Variants in RC3H2 observed in about 807,000 individuals in gnomAD.
RC3H2 encodes roquin-2.
A neutral mutation model predicts 133.3 loss-of-function variants in RC3H2; 31 were observed. The observed-to-expected ratio is 0.23, with a 90% CI of 0.17 to 0.31. RC3H2 has a LOEUF of 0.31. Among genes scored for constraint, RC3H2 ranks in the 10% least tolerant of loss-of-function variants. RC3H2 has a pLI of 1.00. For synonymous variants in RC3H2, 517 were observed against 502.2 expected (o/e 1.03, Z -0.40); for missense variants, 1,175 against 1,437.2 (o/e 0.82, Z 2.95).
intron 9 of RC3H2, among the ~76,000 whole-genome samples, chr9:122,870,997 C>T (rs1050823022): frequency 1.5e-4 from 23 of 152,312 alleles, no homozygotes; most frequent in African/African-American, 5.5e-4. Flanking sequence ...ATAGCCTTTT[C>T]CCTTCCACTT....
At chr9:122,880,916 T>C (rs781576568) in intron 5 of RC3H2, 122 bp from the exon 6 acceptor site, 4 of 686,874 alleles carry the variant, frequency 5.8e-6, no homozygotes, top group Non-Finnish European at 7.5e-6. Flanking sequence ...AGAAATAAGG[T>C]ACAAAGATAA....
intron 1 of RC3H2, among the ~76,000 whole-genome samples, chr9:122,902,048 G>C (rs1832676090): frequency 6.6e-6 from 1 of 151,244 alleles, no homozygotes; most frequent in African/African-American, 2.4e-5. Context: ...TCCTGCCTCA[G>C]CCTCCGGAGT....
chr9:122,852,760 G>A (rs1374793404), intron 18 of RC3H2, among the ~76,000 whole-genome samples: 4 of 149,154 alleles, frequency 2.7e-5, no homozygotes, highest in African/African-American at 5.0e-5. Flanking sequence ...AGGGAGGTGG[G>A]GGGGTCAGCC....
intron 18 of RC3H2, chr9:122,851,668 C>T (rs1012844651): frequency 1.0e-5 from 5 of 480,840 alleles, no homozygotes; most frequent in Admixed American, 3.6e-5. Flanking sequence ...GACTGGTTTT[C>T]GTATTTTTTT....
At chr9:122,872,058 G>A (rs139467309) in intron 9 of RC3H2, among the ~76,000 whole-genome samples, 314 of 152,228 alleles carry the variant, frequency 2.1e-3, no homozygotes, top group African/African-American at 7.2e-3. Context: ...AATTACAGGC[G>A]TGAGCCACCT....
rs147149948 is a variant in RC3H2 at position 122,876,380 on chromosome 9, T to C, written c.1325+1091A>G. On this transcript the variant is annotated intron_variant, in intron 9 of 20. Transcript: ENST00000357244. ...TGGTGGCTCACGTCTGTAATCCCAG[T>C]ACTTTGGGAGGCCAAGGCAGGCAGA... is the stretch of plus-strand genomic sequence containing the variant. Among the ~76,000 whole-genome samples the C allele has an allele frequency of 8.9e-3, 1,350 of 152,054 alleles. 16 individuals carry two copies. The highest frequency in any genetic ancestry group is 0.031 in the African/African-American group (1,275 of 41,478).
At chr9:122,852,729 C>T (rs866558467) in intron 18 of RC3H2, among the ~76,000 whole-genome samples, 41 of 144,978 alleles carry the variant, frequency 2.8e-4, no homozygotes, top group Middle Eastern at 3.7e-3. Context: ...CCCCTCTGCC[C>T]GGCCAGCCGC....
chr9:122,858,956 G>A lies in RC3H2; in HGVS notation c.1996C>T (p.Arg666Ter), dbSNP rs374715315. ...DHYSTFSPRD[R>*]MNSSPYQPPP... ...GGCTGGTAAGGAGAAGAATTCATTC[G>A]ATCTCGAGGGGAAAATGTACTGTAA... is the stretch of plus-strand genomic sequence containing the variant. The change falls in exon 12 of 21, where the codon CGA becomes TGA. Residue 666 changes from arginine to a stop codon, truncating the protein, a stop_gained. Coordinates refer to ENST00000357244, the MANE Select transcript of RC3H2 (RefSeq NM_001100588.3). LOFTEE classifies it high-confidence loss of function. The A allele has an allele frequency of 6.2e-7, 1 of 1,614,168 alleles. No homozygotes were observed. Among genetic ancestry groups the A allele is most frequent in the Non-Finnish European group, 8.5e-7 (1 of 1,180,028 alleles).
rs368188732 is a variant in RC3H2 at position 122,858,794 on chromosome 9, T to C, written c.2158A>G (p.Met720Val). The change falls in exon 12 of 21, where the codon ATG (methionine) becomes GTG (valine). Residue 720 changes from methionine to valine, a missense_variant. Met to Val is a conservative substitution (Grantham distance 21). Coordinates refer to ENST00000357244, the MANE Select transcript of RC3H2 (RefSeq NM_001100588.3). The part of the protein sequence containing the change: ...DIIRSNSLPP[M>V]DVMHSSVYQT... ...TAGACAGATGAGTGCATCACATCCA[T>C]TGGAGGTAAAGAATTGCTTCTAATA... 75 of 1,614,146 alleles carry C rather than the reference T, an allele frequency of 4.6e-5. No homozygotes were observed. The African/African-American group carries it at 6.1e-4, about 13-fold the overall frequency.
chr9:122,866,101 T>G (rs1341411457), intron 9 of RC3H2, among the ~76,000 whole-genome samples: 2 of 152,188 alleles, frequency 1.3e-5, no homozygotes, highest in South Asian at 4.1e-4. Flanking sequence ...CATTTTCTGT[T>G]GTTACCAAAC....
At chr9:122,904,932 G>A (rs998384350) in intron 1 of RC3H2, among the ~76,000 whole-genome samples, 178 bp downstream of exon 1, 14 of 152,200 alleles carry the variant, frequency 9.2e-5, no homozygotes, top group Non-Finnish European at 1.9e-4. Context: ...AGAGAGAGGG[G>A]CCTCCGCAGG....
chr9:122,858,148 T>C, intron 12 of RC3H2, 55 bp from the exon 13 acceptor site: 1 of 1,509,726 alleles, frequency 6.6e-7, no homozygotes, highest in Non-Finnish European at 9.1e-7. Flanking sequence ...TGAATAAATT[T>C]AACTGTGTGA....
In RC3H2 at chr9:122,890,222, G is replaced by T. The variant is rs1248456021; in HGVS notation, c.583+90C>A. ...ATCAAGATTTGTACATATAAAGACG[G>T]GTTGAGTCTCAGGATTCACCGAGCT... On this transcript the variant is annotated intron_variant, in intron 4 of 20. Coordinates refer to ENST00000357244, the MANE Select transcript of RC3H2 (RefSeq NM_001100588.3). 3 of 877,358 alleles carry T rather than the reference G, an allele frequency of 3.4e-6. No individual in the cohort carries two copies. The Admixed American group carries it at 5.9e-5, about 17-fold the overall frequency. 54.3% of individuals were successfully genotyped at this position (877,358 alleles called of 1,614,324 possible). A position where few individuals can be genotyped will look rare whatever the true frequency, so the allele number is the denominator to read the frequency against.
chr9:122,882,822 A>G (rs186533398), intron 5 of RC3H2, among the ~76,000 whole-genome samples: 1 of 152,362 alleles, frequency 6.6e-6, no homozygotes, highest in East Asian at 1.9e-4. Flanking sequence ...ACAGAGAATG[A>G]GATAACAAAC....
Position 122,897,544 on chromosome 9 carries a change from A to C in RC3H2, c.-35T>G, listed in dbSNP as rs754197738. The C allele has an allele frequency of 6.3e-7, 1 of 1,589,874 alleles. No individual in the cohort carries two copies. The highest frequency in any genetic ancestry group is 1.3e-5 in the African/African-American group (1 of 74,530). On this transcript the variant is annotated 5_prime_UTR_variant, in exon 2 of 21. Coordinates refer to ENST00000357244, the MANE Select transcript of RC3H2 (RefSeq NM_001100588.3). ...TGGATGCTCGGGTTAGCAGTCTAGC[A>C]GATCATTATTTTGCTGTGTAGTGTT...
intron 9 of RC3H2, among the ~76,000 whole-genome samples, chr9:122,868,156 G>C (rs1237677533): frequency 6.6e-6 from 1 of 151,154 alleles, no homozygotes; most frequent in East Asian, 2.0e-4. Flanking sequence ...CGCCCTGTCG[G>C]GGATGTGAGG....
chr9:122,899,090 GTTTTTTTT>G (rs1183512993), intron 1 of RC3H2, among the ~76,000 whole-genome samples: 13 of 88,390 alleles, frequency 1.5e-4, no homozygotes, highest in Middle Eastern at 5.7e-3. Flanking sequence ...CCTTTATTGT[GTTTTTTTT>G]TTTTTTTTTT....
Position 122,858,704 on chromosome 9 carries a change from G to A in RC3H2, c.2248C>T (p.Pro750Ser). 1.2e-6 allele frequency: 2 copies of A among 1,612,564 alleles called. No individual in the cohort carries two copies. Among genetic ancestry groups the A allele is most frequent in the Non-Finnish European group, 8.5e-7 (1 of 1,179,734 alleles). ...DGYYSVACQP[P>S]SEPRTTVPLP... Reference sequence around the variant, plus strand: ...GGCACAGTTGTCCTTGGCTCACTTGGTGGCTGACAAGCCACCGAATAATAT... The same window carrying A: ...GGCACAGTTGTCCTTGGCTCACTTGATGGCTGACAAGCCACCGAATAATAT... The change falls in exon 12 of 21, where the codon CCA becomes TCA. Residue 750 changes from proline (P) to serine (S), a missense_variant. Physicochemically the swap from Pro to Ser is moderately conservative, Grantham distance 74. Transcript: ENST00000357244.
chr9:122,855,190 C>T lies in RC3H2; in HGVS notation c.2809G>A (p.Val937Ile), dbSNP rs376899922. The change falls in exon 15 of 21, where the codon GTA becomes ATA. Residue 937 changes from valine to isoleucine, a missense_variant. Val to Ile is a conservative substitution (Grantham distance 29). Around this residue, in one of 8 missense-constraint regions of RC3H2, gnomAD observed 138 missense variants for 215.0 expected, o/e 0.64. Coordinates refer to ENST00000357244, the MANE Select transcript of RC3H2 (RefSeq NM_001100588.3). ...SQGSATKPISVSDYVPYVNAV... is the reference protein window; with the variant it reads ...SQGSATKPISISDYVPYVNAV... ...TATTATCTAAATGGATTACCTGATA[C>T]ACTGATGGGCTTAGTCGCACTTCCT... The T allele has an allele frequency of 8.7e-6, 14 of 1,607,644 alleles. No individual in the cohort carries two copies. The highest frequency in any genetic ancestry group is 1.3e-5 in the African/African-American group (1 of 74,540).
Sources: allele counts gnomAD v4.1 joint callset (sites outside exome capture counted in the v4.1 genomes callset), GRCh38; gene constraint gnomAD v4.1.1; regional missense constraint gnomAD v4.1.1; transcripts MANE v1.5; gene names NCBI Gene and HGNC (gene_info 2026-07-23, HGNC 2026-07-21).